The following BRD4 variants were observed in gnomAD, a reference collection of about 807,000 sequenced individuals.
The protein encoded by BRD4 is bromodomain containing 4, also known as bromodomain-containing protein 4.
A neutral mutation model predicts 142.1 loss-of-function variants in BRD4; 16 were observed. The observed-to-expected ratio is 0.11, with a 90% CI of 0.08 to 0.17. The LOEUF is 0.17. Ranked by LOEUF, BRD4 falls within the 10% of genes least tolerant of loss-of-function variation. The probability of loss-of-function intolerance (pLI) is 1.00; values close to 1 mark genes in which losing one functional copy is unlikely to be tolerated. For missense variants in BRD4, 1,424 were observed against 1,810.9 expected (o/e 0.79, Z 3.88); for synonymous variants, 833 against 707.5 (o/e 1.18, Z -2.82).
intron 1 of BRD4, among the ~76,000 whole-genome samples, chr19:15,329,656 T>C (rs887267080): frequency 3.9e-5 from 6 of 152,144 alleles, no homozygotes; most frequent in African/African-American, 1.2e-4. Flanking sequence ...GGAGACTCGC[T>C]TGAACCCAGG....
intron 3 of BRD4, 58 bp from the exon 4 acceptor site, chr19:15,267,609 A>T (rs1296745351): frequency 3.8e-6 from 6 of 1,576,470 alleles, no homozygotes; most frequent in Non-Finnish European, 4.3e-6. Context: ...ACCTCTGTAG[A>T]CAGGGCACCC....
At chr19:15,273,363 AGTGAGGTG>A (rs2047611124) in intron 1 of BRD4, among the ~76,000 whole-genome samples, 1 of 152,212 alleles carries the variant, frequency 6.6e-6, no homozygotes, top group African/African-American at 2.4e-5. Flanking sequence ...GAGGAGGCAG[AGTGAGGTG>A]GTGAGAGCCC....
intron 1 of BRD4, among the ~76,000 whole-genome samples, chr19:15,288,574 G>C (rs1376867249): frequency 6.6e-6 from 1 of 152,162 alleles, no homozygotes; most frequent in Non-Finnish European, 1.5e-5. Flanking sequence ...CCCTCCGCTG[G>C]CTTCTCCTGC....
At chr19:15,310,505 T>G (rs2047960533) in intron 1 of BRD4, among the ~76,000 whole-genome samples, 2 of 151,390 alleles carry the variant, frequency 1.3e-5, no homozygotes, top group African/African-American at 4.9e-5. Flanking sequence ...GGACTACAGG[T>G]GCCCACCACC....
intron 1 of BRD4, among the ~76,000 whole-genome samples, chr19:15,293,124 A>AAAAT (rs1216647651): frequency 1.3e-5 from 2 of 152,184 alleles, no homozygotes; most frequent in Admixed American, 6.5e-5. Context: ...CTGAAAGAAA[A>AAAAT]AAATAAATAA....
intron 1 of BRD4, among the ~76,000 whole-genome samples, chr19:15,308,193 AG>A (rs2047934055): frequency 1.6e-5 from 1 of 62,176 alleles, no homozygotes; most frequent in Non-Finnish European, 3.1e-5. Flanking sequence ...AAAAAAAGAA[AG>A]GGGGCAAGTC....
At chr19:15,314,520 C>T (rs1384313547) in intron 1 of BRD4, among the ~76,000 whole-genome samples, 2 of 152,152 alleles carry the variant, frequency 1.3e-5, no homozygotes, top group African/African-American at 4.8e-5. Flanking sequence ...TTGGGAGGAG[C>T]CCTCACATCC....
chr19:15,318,653 C>T (rs2048036114), intron 1 of BRD4, among the ~76,000 whole-genome samples: 1 of 152,190 alleles, frequency 6.6e-6, no homozygotes, highest in Non-Finnish European at 1.5e-5. Context: ...GTAAGCCTAC[C>T]CACATCCAAC....
chr19:15,314,782 C>T (rs766374067), intron 1 of BRD4, among the ~76,000 whole-genome samples: 18 of 152,184 alleles, frequency 1.2e-4, no homozygotes, highest in Non-Finnish European at 2.2e-4. Context: ...GCTGGATAAC[C>T]CAGCTGCAGA....
intron 1 of BRD4, among the ~76,000 whole-genome samples, chr19:15,323,793 C>G (rs2048085002): frequency 6.6e-6 from 1 of 152,118 alleles, no homozygotes; most frequent in South Asian, 2.1e-4. Flanking sequence ...AGGAAGGTGA[C>G]CACACATACT....
chr19:15,250,048 T>G (rs1002219039), intron 11 of BRD4, among the ~76,000 whole-genome samples: 3 of 152,186 alleles, frequency 2.0e-5, no homozygotes, highest in African/African-American at 7.2e-5. Flanking sequence ...CCCACCCACG[T>G]AGCAGAGCGG....
intron 1 of BRD4, among the ~76,000 whole-genome samples, chr19:15,305,251 C>T (rs2047904187): frequency 6.6e-6 from 1 of 152,128 alleles, no homozygotes; most frequent in African/African-American, 2.4e-5. Context: ...CCATGTTAGT[C>T]AGGCTGGTCT....
intron 14 of BRD4, among the ~76,000 whole-genome samples, chr19:15,242,344 T>C (rs1328444149): frequency 6.6e-6 from 1 of 152,006 alleles, no homozygotes; most frequent in African/African-American, 2.4e-5. Context: ...CCAGGAAAAG[T>C]GAAAGGGTGT....
intron 7 of BRD4, among the ~76,000 whole-genome samples, chr19:15,258,996 G>A (rs1354748859): frequency 6.6e-6 from 1 of 152,156 alleles, no homozygotes; most frequent in East Asian, 1.9e-4. Flanking sequence ...CCTCCCAGGA[G>A]TGGGGCCCAG....
intron 1 of BRD4, among the ~76,000 whole-genome samples, chr19:15,288,146 T>C (rs1362357185): frequency 6.6e-6 from 1 of 152,214 alleles, no homozygotes; most frequent in Non-Finnish European, 1.5e-5. Context: ...CACAGGTTGC[T>C]TCTATAATAC....
chr19:15,238,713 C>A lies in BRD4; in HGVS notation c.4020+30G>T, dbSNP rs139618415. 5.2e-3 allele frequency: 7,700 copies of A among 1,482,896 alleles called. 28 individuals carry two copies. The highest frequency in any genetic ancestry group is 6.3e-3 in the Non-Finnish European group (6,985 of 1,115,688). 91.9% of individuals were successfully genotyped at this position (1,482,896 alleles called of 1,614,324 possible). ...GCTCCCTCAGGAGCTAATCCTTAGA[C>A]CAGGGTCCCCACCAGGCCTCCAGAC... On this transcript the variant is annotated intron_variant, in intron 19 of 19. Coordinates refer to ENST00000679869, the MANE Select transcript of BRD4 (RefSeq NM_001379291.1). This position sits in a 1 kb window ranked among gnomAD's most constrained non-coding sequence, Gnocchi z 7.2.
intron 1 of BRD4, among the ~76,000 whole-genome samples, chr19:15,327,921 G>GGGC (rs1555748796): frequency 7.9e-6 from 1 of 126,824 alleles, no homozygotes; most frequent in Non-Finnish European, 1.7e-5. Flanking sequence ...TTTCTTTTGG[G>GGGC]GGGGGGGGGT....
intron 1 of BRD4, among the ~76,000 whole-genome samples, chr19:15,311,670 C>T (rs1027023422): frequency 6.6e-6 from 1 of 151,110 alleles, no homozygotes; most frequent in South Asian, 2.1e-4. Flanking sequence ...GGCATGGTGG[C>T]GGGTGCCTGT....
intron 1 of BRD4, among the ~76,000 whole-genome samples, chr19:15,329,945 T>G (rs1423392779): frequency 1.3e-5 from 2 of 152,236 alleles, no homozygotes; most frequent in Non-Finnish European, 2.9e-5. Context: ...AATTCAATAA[T>G]TTAGTGGAAA....
Sources: allele counts gnomAD v4.1 joint callset (sites outside exome capture counted in the v4.1 genomes callset), GRCh38; gene constraint gnomAD v4.1.1; non-coding constraint Gnocchi (gnomAD v3.1); transcripts MANE v1.5; gene names NCBI Gene and HGNC (gene_info 2026-07-23, HGNC 2026-07-21).